FLCN: variants seen among roughly 807,000 people sequenced by gnomAD.
FLCN encodes folliculin.
In FLCN, 22 loss-of-function variants were observed where a neutral mutation model predicts 62.5. That is an observed-to-expected ratio of 0.35 (90% CI 0.25 to 0.50). FLCN has a LOEUF of 0.50. Among genes scored for constraint, FLCN ranks in the 20% least tolerant of loss-of-function variants. The probability of loss-of-function intolerance (pLI) is 0.97; values close to 1 mark genes in which losing one functional copy is unlikely to be tolerated. For missense variants in FLCN, 657 were observed against 778.0 expected (o/e 0.84, Z 1.85); for synonymous variants, 319 against 310.0 (o/e 1.03, Z -0.30).
chr17:17,226,237 GGGTGCT>G lies in FLCN; in HGVS notation c.329_334del (p.Gln110_His111del), dbSNP rs1169256016. 2.5e-6 allele frequency: 4 copies of G among 1,614,166 alleles called. No homozygotes were observed. In the South Asian group the frequency reaches 4.4e-5, roughly 18 times the overall value. On this transcript the variant is annotated inframe_deletion, in exon 5 of 14. Transcript: ENST00000285071. ...AATGCTGAAGAGCTGGGGGTGGCTG[GGGTGCT>G]GGTGGCTGACGTATTTAATGGAGGT...
chr17:17,222,799 A>C, intron 6 of FLCN, 138 bp from the exon 7 acceptor site: 1 of 949,056 alleles, frequency 1.1e-6, no homozygotes, highest in Non-Finnish European at 1.6e-6. Context: ...AGAGCACACA[A>C]AGTGCCACCA....
In FLCN at chr17:17,228,032, C is replaced by G. The variant is rs1597618071; in HGVS notation, c.106G>C (p.Glu36Gln). 8 of 1,613,972 alleles carry G rather than the reference C, an allele frequency of 5.0e-6. No homozygotes were observed. The highest frequency in any genetic ancestry group is 5.9e-6 in the Non-Finnish European group (7 of 1,180,052). Reference sequence around the variant, plus strand: ...TGCTCACCCTGGCCAGGACTGTCCTCATTCCCATCCCCTTGAGGAAGTGGG... The same window carrying G: ...TGCTCACCCTGGCCAGGACTGTCCTGATTCCCATCCCCTTGAGGAAGTGGG... ...HAPLPQGDGN[E>Q]DSPGQGEQAE... The change falls in exon 4 of 14, where the codon GAG becomes CAG. Residue 36 changes from glutamate to glutamine, a missense_variant. Transcript: ENST00000285071.
rs749758787 is a variant in FLCN, at chr17:17,228,056, G to A, written c.82C>T (p.Pro28Ser). 1.9e-5 allele frequency: 30 copies of A among 1,613,636 alleles called. No homozygotes were observed. The highest frequency in any genetic ancestry group is 3.4e-6 in the Non-Finnish European group (4 of 1,180,040). Residue 28 changes from proline (P) to serine (S), a missense_variant, in exon 4 of 14, where the codon CCA becomes TCA. Transcript: ENST00000285071. The stretch of plus-strand genomic sequence containing the variant: ...TCATTCCCATCCCCTTGAGGAAGTG[G>A]GGCGTGCAGCACCTCCGTGCAGAAG... ...TLFCTEVLHA[P>S]LPQGDGNEDS...
intron 1 of FLCN, among the ~76,000 whole-genome samples, chr17:17,233,412 A>G (rs191677814): frequency 1.4e-3 from 218 of 152,052 alleles, no homozygotes; most frequent in African/African-American, 5.1e-3. Context: ...CCTGGCTAAC[A>G]TGGTGAAACC....
At chr17:17,220,843 T>A (rs981444505) in intron 8 of FLCN, 31 of 203,976 alleles carry the variant, frequency 1.5e-4, no homozygotes, top group African/African-American at 7.3e-4. Flanking sequence ...GCAAAGCTTA[T>A]TTGAGGGCAC....
chr17:17,231,309 C>T (rs1021606688), intron 3 of FLCN, among the ~76,000 whole-genome samples: 4 of 152,178 alleles, frequency 2.6e-5, no homozygotes, highest in South Asian at 2.1e-4. Context: ...CTCACGCCAC[C>T]CCTCTGAATA....
At chr17:17,219,564 A>AT in intron 8 of FLCN, 1 of 137,496 alleles carries the variant, frequency 7.3e-6, no homozygotes, top group Non-Finnish European at 1.4e-5. Flanking sequence ...TTTTTTTTCC[A>AT]CTTTTTTTTT....
Position 17,215,384 on chromosome 17 carries a change from C to A in FLCN, c.1301-68G>T, listed in dbSNP as rs1424739522. On this transcript the variant is annotated intron_variant, in intron 11 of 13. Transcript: ENST00000285071. Reference sequence around the variant, plus strand: ...TCCTCACCTCCCCTGCGCTAGCCCACCGTGGGCCCCACTCCGCTCATCCCA... The same window carrying A: ...TCCTCACCTCCCCTGCGCTAGCCCAACGTGGGCCCCACTCCGCTCATCCCA... 1.9e-6 allele frequency: 3 copies of A among 1,609,266 alleles called. No individual in the cohort carries two copies. In the African/African-American group the frequency reaches 4.0e-5, roughly 21 times the overall value.
At chr17:17,220,544 G>A in intron 8 of FLCN, 1 of 152,378 alleles carries the variant, frequency 6.6e-6, no homozygotes, top group South Asian at 2.1e-4. Context: ...GCAAATCCAG[G>A]ATGCGAAGCC....
intron 5 of FLCN, chr17:17,225,199 G>T (rs7222600): frequency 0.074 from 11,230 of 152,326 alleles, 590 homozygotes; most frequent in East Asian, 0.18. Context: ...CTGAGACTTG[G>T]AATGAGGACT....
chr17:17,229,815 G>A (rs1416794930), intron 3 of FLCN, among the ~76,000 whole-genome samples: 5 of 152,170 alleles, frequency 3.3e-5, no homozygotes, highest in Non-Finnish European at 7.3e-5. Flanking sequence ...CCGTGGCAGA[G>A]CCAGCAATGG....
chr17:17,237,171 C>G (rs1736209), upstream of FLCN: 110,618 of 152,062 alleles, frequency 0.73, 40,736 homozygotes, highest in East Asian at 0.85. Flanking sequence ...GCCCCGCCGA[C>G]ACCCAGGCGC....
At chr17:17,226,071 G>C (rs1402054458) in intron 5 of FLCN, 105 bp downstream of exon 5, 2 of 1,515,934 alleles carry the variant, frequency 1.3e-6, no homozygotes, top group Non-Finnish European at 1.8e-6. Flanking sequence ...CCCTGAGAGA[G>C]GACCAGTGCC....
chr17:17,215,165 C>T lies in FLCN; in HGVS notation c.1432+20G>A. On this transcript the variant is annotated intron_variant, in intron 12 of 13. Coordinates refer to ENST00000285071, the MANE Select transcript of FLCN (RefSeq NM_144997.7). ...GGGGCATCTTCTCACAAAAAGGACA[C>T]TCTGCCTGGGGGCACCCACCTCGGT... The T allele has an allele frequency of 6.2e-7, 1 of 1,614,088 alleles. No individual in the cohort carries two copies. The highest frequency in any genetic ancestry group is 1.1e-5 in the South Asian group (1 of 91,084).
intron 3 of FLCN, chr17:17,231,527 T>A (rs529268087): frequency 1.3e-5 from 2 of 152,286 alleles, no homozygotes; most frequent in Non-Finnish European, 2.9e-5. Context: ...AATGTTTGAC[T>A]GAGTAGTGGA....
chr17:17,221,766 C>G, intron 7 of FLCN, 138 bp from the exon 8 acceptor site: 1 of 906,880 alleles, frequency 1.1e-6, no homozygotes, highest in Non-Finnish European at 1.7e-6. Context: ...CAGCCAGATC[C>G]CGCATGCAGG....
chr17:17,216,278 C>G lies in FLCN; in HGVS notation c.1300+102G>C. ...GGGGAAGCTGGCCCTGCAATGAGGC[C>G]TCCTCTCCACAACCCATGACAGAGA... On this transcript the variant is annotated intron_variant, in intron 11 of 13. Coordinates refer to ENST00000285071, the MANE Select transcript of FLCN (RefSeq NM_144997.7). The surrounding 1 kb of genome is among the most constrained non-coding windows in gnomAD (Gnocchi z 4.0). 6.5e-7 allele frequency: 1 copy of G among 1,537,420 alleles called. No homozygotes were observed. The highest frequency in any genetic ancestry group is 8.8e-7 in the Non-Finnish European group (1 of 1,133,872).
chr17:17,219,498 G>A (rs976534103), intron 8 of FLCN: 15 of 420,566 alleles, frequency 3.6e-5, no homozygotes, highest in African/African-American at 2.0e-4. Flanking sequence ...TGCCAACAGC[G>A]TGTCTACGGA....
In FLCN at chr17:17,213,454, G is replaced by A. The variant is rs2046809109; in HGVS notation, c.*201C>T. The A allele has an allele frequency of 3.0e-6, 2 of 670,468 alleles. No homozygotes were observed. The highest frequency in any genetic ancestry group is 2.4e-5 in the Admixed American group (1 of 42,412). 41.5% of individuals were successfully genotyped at this position (670,468 alleles called of 1,614,324 possible). A position where few individuals can be genotyped will look rare whatever the true frequency, so the allele number is the denominator to read the frequency against. On this transcript the variant is annotated 3_prime_UTR_variant, in exon 14 of 14. Transcript: ENST00000285071. ...TCCGCCTTTCATTGCCATCTTCAGCGATTCCAACGGCTGGAGGGAGAGTCT... is the reference window on the plus strand; with the variant it reads ...TCCGCCTTTCATTGCCATCTTCAGCAATTCCAACGGCTGGAGGGAGAGTCT...
Sources: gnomAD v4.1 joint callset for allele counts (sites outside exome capture counted in the v4.1 genomes callset) on GRCh38, gnomAD v4.1.1 for gene constraint, Gnocchi (gnomAD v3.1) non-coding constraint, MANE v1.5 for transcripts, NCBI Gene and HGNC (gene_info 2026-07-23, HGNC 2026-07-21) for gene names.